Variants in ZFYVE28 observed in about 807,000 individuals in gnomAD.
ZFYVE28 encodes lateral signaling target protein 2 homolog.
Under a neutral mutation model 82.1 loss-of-function variants are expected in ZFYVE28, and 40 were observed. The ratio of observed to expected loss-of-function variants is 0.49; its 90% CI spans 0.38 to 0.63. The LOEUF is 0.63. Ranked by LOEUF, ZFYVE28 falls within the 30% of genes least tolerant of loss-of-function variation. The pLI is 0.00. For missense variants in ZFYVE28, 1,321 were observed against 1,242.1 expected, an observed-to-expected ratio of 1.06 and a Z score of -0.96; for synonymous variants, 612 against 546.1, an observed-to-expected ratio of 1.12 and a Z score of -1.68.
chr4:2,392,776 G>T (rs1274250517), intron 1 of ZFYVE28, among the ~76,000 whole-genome samples: 1 of 152,096 alleles, frequency 6.6e-6, no homozygotes, highest in African/African-American at 2.4e-5. Flanking sequence ...TCATTCTTCT[G>T]TCAAACTCCC....
intron 2 of ZFYVE28, chr4:2,343,162 G>A (rs1216577587): frequency 6.6e-6 from 1 of 152,116 alleles, no homozygotes; most frequent in East Asian, 1.9e-4. Flanking sequence ...TGTGGTGCAC[G>A]ATGCTCCGAG....
rs1048168799 is a variant in ZFYVE28, at chr4:2,335,559, C to T, written c.701+146G>A. 20 of 714,684 alleles carry T rather than the reference C, an allele frequency of 2.8e-5. No individual in the cohort carries two copies. Among genetic ancestry groups the T allele is most frequent in the African/African-American group, 2.6e-4 (15 of 57,146 alleles). The allele number at this position is 714,684 out of a possible 1,614,324, so 44.3% of individuals were successfully genotyped here. ...CCCCTGGTCTGCTGAGGGCTGACAG[C>T]AGGCCTGCCTGTCACTGATCGGGAC... On this transcript the variant is annotated intron_variant, in intron 6 of 12. Transcript: ENST00000290974. This position sits in a 1 kb window ranked among gnomAD's most constrained non-coding sequence, Gnocchi z 5.8.
intron 1 of ZFYVE28, among the ~76,000 whole-genome samples, chr4:2,391,123 G>A (rs938177165): frequency 2.0e-5 from 3 of 152,210 alleles, no homozygotes; most frequent in Admixed American, 2.0e-4. Flanking sequence ...ACAAGGGGCC[G>A]TGCCCGCCGC....
chr4:2,414,988 G>A lies in ZFYVE28; in HGVS notation c.39+3297C>T, dbSNP rs73074349. 6.4e-3 allele frequency among the ~76,000 whole-genome samples: 974 copies of A among 152,312 alleles called. 6 individuals carry two copies. The highest frequency in any genetic ancestry group is 0.017 in the African/African-American group (713 of 41,572). On this transcript the variant is annotated intron_variant, in intron 1 of 12. Coordinates refer to ENST00000290974, the MANE Select transcript of ZFYVE28 (RefSeq NM_020972.3). ...ACAAGCTGACAGGTTTTCCTGCACC[G>A]TCTCTTCCTGGGAGTGTTCAAAGTC...
intron 1 of ZFYVE28, among the ~76,000 whole-genome samples, chr4:2,404,613 A>C (rs1731621946): frequency 6.6e-6 from 1 of 152,226 alleles, no homozygotes; most frequent in African/African-American, 2.4e-5. Context: ...CTTTTATACG[A>C]AACGTCCAGA....
rs1577993883 is a variant in ZFYVE28 at position 2,304,512 on chromosome 4, G to C, written c.1828C>G (p.Gln610Glu). 1 of 1,612,550 alleles carries C rather than the reference G, an allele frequency of 6.2e-7. No homozygotes were observed. The highest frequency in any genetic ancestry group is 8.5e-7 in the Non-Finnish European group (1 of 1,179,588). The change falls in exon 8 of 13, where the codon CAG (glutamine) becomes GAG (glutamate). Residue 610 changes from glutamine to glutamate, a missense_variant. Gln to Glu is a conservative substitution (Grantham distance 29). This residue lies in a region of ZFYVE28 where 978 missense variants were observed against 833.7 expected (regional missense o/e 1.17). Coordinates refer to ENST00000290974, the MANE Select transcript of ZFYVE28 (RefSeq NM_020972.3). ...TCTGAGGGTGGGGGCGCCTCCTCCT[G>C]TCTCTCAGGGGCCCTGTCGCTGGCC... is the stretch of plus-strand genomic sequence containing the variant. ...AKASDRAPER[Q>E]EEAPPPSEDA...
At chr4:2,383,342 G>C (rs969448016) in intron 1 of ZFYVE28, among the ~76,000 whole-genome samples, 1 of 152,022 alleles carries the variant, frequency 6.6e-6, no homozygotes, top group African/African-American at 2.4e-5. Flanking sequence ...GTTTTATCAG[G>C]GGTTTTCACT....
chr4:2,388,512 C>T (rs1729505226), intron 1 of ZFYVE28, among the ~76,000 whole-genome samples: 1 of 152,142 alleles, frequency 6.6e-6, no homozygotes, highest in Non-Finnish European at 1.5e-5. Flanking sequence ...CTAGAGCATG[C>T]CAGGACGGTG....
chr4:2,272,529 TGTGTGG>T (rs888785542), intron 10 of ZFYVE28, among the ~76,000 whole-genome samples: 4 of 152,190 alleles, frequency 2.6e-5, no homozygotes, highest in African/African-American at 7.2e-5. Context: ...TGTGTGCATG[TGTGTGG>T]GTGTGGGTAT....
chr4:2,400,412 C>A (rs913151790), intron 1 of ZFYVE28, among the ~76,000 whole-genome samples: 1 of 125,318 alleles, frequency 8.0e-6, no homozygotes, highest in Non-Finnish European at 1.7e-5. Flanking sequence ...GTCTCGGCCC[C>A]TAAAATACAG....
chr4:2,361,754 G>A (rs1048667935), intron 1 of ZFYVE28, among the ~76,000 whole-genome samples: 1 of 152,174 alleles, frequency 6.6e-6, no homozygotes, highest in African/African-American at 2.4e-5. Context: ...TGTGCGGTAA[G>A]GGGGTAAGGG....
chr4:2,367,548 A>G (rs189007153), intron 1 of ZFYVE28, among the ~76,000 whole-genome samples: 312 of 152,362 alleles, frequency 2.0e-3, no homozygotes, highest in Non-Finnish European at 2.2e-3. Context: ...TCTCCTTCAA[A>G]AATGATTTGA....
chr4:2,404,935 A>C (rs1399146857), intron 1 of ZFYVE28, among the ~76,000 whole-genome samples: 1 of 139,528 alleles, frequency 7.2e-6, no homozygotes, highest in Non-Finnish European at 1.5e-5. Flanking sequence ...GCACAGTCGT[A>C]GTTCACTGCA....
At chr4:2,389,065 C>A (rs1729560255) in intron 1 of ZFYVE28, among the ~76,000 whole-genome samples, 1 of 152,164 alleles carries the variant, frequency 6.6e-6, no homozygotes, top group East Asian at 1.9e-4. Flanking sequence ...TGAGTCCCTC[C>A]TCTGGGACCC....
At chr4:2,393,816 G>C (rs1730096997) in intron 1 of ZFYVE28, among the ~76,000 whole-genome samples, 1 of 152,210 alleles carries the variant, frequency 6.6e-6, no homozygotes, top group Admixed American at 6.5e-5. Context: ...AGCAAAGCTG[G>C]CTGTGCGTGT....
At chr4:2,349,409 C>T (rs971809473) in intron 2 of ZFYVE28, among the ~76,000 whole-genome samples, 6 of 151,444 alleles carry the variant, frequency 4.0e-5, no homozygotes, top group African/African-American at 1.5e-4. Context: ...GGAGATATAC[C>T]TAATGCTAGA....
At chr4:2,379,367 C>T (rs1286138333) in intron 1 of ZFYVE28, among the ~76,000 whole-genome samples, 2 of 152,220 alleles carry the variant, frequency 1.3e-5, no homozygotes, top group African/African-American at 4.8e-5. Flanking sequence ...CAGGAGCTGT[C>T]CCCCTATGCC....
At chr4:2,330,014 A>T (rs1720423711) in intron 6 of ZFYVE28, 1 of 152,788 alleles carries the variant, frequency 6.5e-6, no homozygotes, top group Admixed American at 6.6e-5. Flanking sequence ...AGTGGGGGAG[A>T]CACAAAAATA....
intron 2 of ZFYVE28, among the ~76,000 whole-genome samples, chr4:2,347,232 T>C (rs1008412387): frequency 6.6e-6 from 1 of 152,172 alleles, no homozygotes. Context: ...TAGGAGCACA[T>C]AACAATTGTT....
Sources: allele counts gnomAD v4.1 joint callset (sites outside exome capture counted in the v4.1 genomes callset), GRCh38; gene constraint gnomAD v4.1.1; regional missense constraint gnomAD v4.1.1; non-coding constraint Gnocchi (gnomAD v3.1); transcripts MANE v1.5; gene names NCBI Gene and HGNC (gene_info 2026-07-23, HGNC 2026-07-21).